TENM2: variants seen among roughly 807,000 people sequenced by gnomAD.
The protein encoded by TENM2 is teneurin transmembrane protein 2.
TENM2 carries 52 observed loss-of-function variants against 245.2 expected under a neutral mutation model. The ratio of observed to expected loss-of-function variants is 0.21; its 90% CI spans 0.17 to 0.27. TENM2 has a LOEUF of 0.27. TENM2 is among the 10% of genes least tolerant of loss of function. TENM2 has a pLI of 1.00. For missense variants in TENM2, 3,046 were observed against 3,666.8 expected (o/e 0.83, Z 4.37); for synonymous variants, 1,363 against 1,438.9 (o/e 0.95, Z 1.19).
Position 167,827,636 on chromosome 5 carries a change from G to GGT in TENM2, c.503-48349_503-48348insTG, listed in dbSNP as rs201978915. Among the ~76,000 whole-genome samples, 43 of 105,682 alleles carry GGT rather than the reference G, an allele frequency of 4.1e-4. 6 individuals carry two copies. The highest frequency in any genetic ancestry group is 6.4e-4 in the Non-Finnish European group (33 of 51,842). The allele number at this position is 105,682 out of a possible 152,430, so 69.3% of individuals were successfully genotyped here. A position where few individuals can be genotyped will look rare whatever the true frequency, so the allele number is the denominator to read the frequency against. Reference sequence around the variant, plus strand: ...GCAAGGAGCTAGGTGGGCGGGGGGGGGGGAACAGTTTAATGAGCGTGAATG... The same window carrying GGT: ...GCAAGGAGCTAGGTGGGCGGGGGGGGGTGGGAACAGTTTAATGAGCGTGAATG... On this transcript the variant is annotated intron_variant, in intron 2 of 28. Transcript: ENST00000518659.
chr5:167,376,427 G>A (rs969233116), intron 2 of TENM2, among the ~76,000 whole-genome samples: 2 of 152,240 alleles, frequency 1.3e-5, no homozygotes, highest in Non-Finnish European at 2.9e-5. Flanking sequence ...ACTTCTGCCA[G>A]AGCAGCTTTA....
chr5:167,612,681 C>T (rs1777553151), intron 2 of TENM2, among the ~76,000 whole-genome samples: 1 of 152,078 alleles, frequency 6.6e-6, no homozygotes, highest in Non-Finnish European at 1.5e-5. Flanking sequence ...AAACTGTTAT[C>T]ATACATTGAC....
At chr5:167,395,441 G>A (rs768992154) in intron 2 of TENM2, among the ~76,000 whole-genome samples, 3 of 152,232 alleles carry the variant, frequency 2.0e-5, no homozygotes, top group Non-Finnish European at 4.4e-5. Flanking sequence ...TGTGTCATCT[G>A]GAAACGGCGA....
At chr5:168,118,118 A>T (rs1188872645) in intron 9 of TENM2, among the ~76,000 whole-genome samples, 174 bp from the exon 12 acceptor site, 1 of 152,252 alleles carries the variant, frequency 6.6e-6, no homozygotes, top group Non-Finnish European at 1.5e-5. Context: ...TGCTGTTATC[A>T]GTAGCACTTG....
the TENM2 span, among the ~76,000 whole-genome samples, chr5:167,113,593 T>A: frequency 6.7e-6 from 1 of 150,280 alleles, no homozygotes; most frequent in African/African-American, 2.5e-5. Context: ...CTGTGAGCCA[T>A]GATCACACCA....
chr5:168,034,457 C>T (rs1472508628), intron 5 of TENM2, among the ~76,000 whole-genome samples: 1 of 151,764 alleles, frequency 6.6e-6, no homozygotes, highest in Non-Finnish European at 1.5e-5. Flanking sequence ...GAAGGCCAAG[C>T]GTGGTGGCTC....
At chr5:167,233,017 C>CGGG in the TENM2 span, among the ~76,000 whole-genome samples, 1 of 151,928 alleles carries the variant, frequency 6.6e-6, no homozygotes, top group African/African-American at 2.4e-5. Context: ...CTTGGACAGA[C>CGGG]AGGACATGTA....
At chr5:167,480,462 G>A (rs1190348897) in intron 2 of TENM2, among the ~76,000 whole-genome samples, 1 of 152,188 alleles carries the variant, frequency 6.6e-6, no homozygotes, top group East Asian at 1.9e-4. Context: ...TTACTAAAGA[G>A]GAAATGTGAA....
intron 2 of TENM2, among the ~76,000 whole-genome samples, chr5:167,485,543 G>T (rs1768006523): frequency 6.6e-6 from 1 of 152,118 alleles, no homozygotes; most frequent in African/African-American, 2.4e-5. Flanking sequence ...CTCTAACTGT[G>T]CCTCTGTGTC....
chr5:167,457,743 C>T (rs746311118), intron 2 of TENM2, among the ~76,000 whole-genome samples: 1 of 152,174 alleles, frequency 6.6e-6, no homozygotes, highest in Non-Finnish European at 1.5e-5. Flanking sequence ...ACTTTGAAAA[C>T]AATCTATTTT....
At chr5:167,461,275 A>G (rs1016652473) in intron 2 of TENM2, among the ~76,000 whole-genome samples, 1 of 151,842 alleles carries the variant, frequency 6.6e-6, no homozygotes, top group East Asian at 1.9e-4. Context: ...CAGGGATACA[A>G]TTGCTCTTTT....
intron 6 of TENM2, among the ~76,000 whole-genome samples, chr5:168,051,882 C>A (rs1281230335): frequency 2.0e-5 from 3 of 152,232 alleles, no homozygotes; most frequent in African/African-American, 7.2e-5. Flanking sequence ...GTTGTTGAAA[C>A]TGATGTCATC....
At chr5:167,473,750 T>C (rs114213372) in intron 2 of TENM2, among the ~76,000 whole-genome samples, 80 of 152,332 alleles carry the variant, frequency 5.3e-4, no homozygotes, top group Admixed American at 9.2e-4. Flanking sequence ...AATTGTGTGA[T>C]ATTGGACACA....
At chr5:167,753,735 T>A (rs980206973) in intron 2 of TENM2, among the ~76,000 whole-genome samples, 1 of 152,172 alleles carries the variant, frequency 6.6e-6, no homozygotes, top group Non-Finnish European at 1.5e-5. Context: ...CATGCTGACA[T>A]GTTGCCTTCA....
chr5:167,387,663 G>T (rs901551796), intron 2 of TENM2, among the ~76,000 whole-genome samples: 5 of 151,956 alleles, frequency 3.3e-5, no homozygotes, highest in African/African-American at 1.2e-4. Flanking sequence ...TTTGTCATAG[G>T]TGGCTTTTAT....
At chr5:167,862,930 A>G (rs1024971) in intron 2 of TENM2, among the ~76,000 whole-genome samples, 137,479 of 151,160 alleles carry the variant, frequency 0.91, 62,925 homozygotes, top group Non-Finnish European at 0.99. Flanking sequence ...TCTTGACACT[A>G]CTACCATTTC....
intron 9 of TENM2, among the ~76,000 whole-genome samples, chr5:168,098,436 T>A (rs950718522): frequency 5.3e-5 from 8 of 152,188 alleles, no homozygotes; most frequent in African/African-American, 1.4e-4. Context: ...ACTCCTTTCT[T>A]ATAATCATTA....
At chr5:167,736,961 C>T (rs1260032020) in intron 2 of TENM2, among the ~76,000 whole-genome samples, 1 of 152,176 alleles carries the variant, frequency 6.6e-6, no homozygotes, top group Admixed American at 6.5e-5. Context: ...TGCAGAAAAG[C>T]ACAAGTCTCC....
In TENM2 at chr5:167,807,124, TAAAAAAAAAAAAAA is replaced by T. The variant is rs1178739925; in HGVS notation, c.503-68843_503-68830del. Among the ~76,000 whole-genome samples, 332 of 49,080 alleles carry T rather than the reference TAAAAAAAAAAAAAA, an allele frequency of 6.8e-3. 8 individuals carry two copies. The highest frequency in any genetic ancestry group is 0.04 in the Middle Eastern group (2 of 50). The allele number at this position is 49,080 out of a possible 152,430, so 32.2% of individuals were successfully genotyped here. On this transcript the variant is annotated intron_variant, in intron 2 of 28. Transcript: ENST00000518659. ...ACAGTTTGGCCCAAAGCCCCTAGGT[TAAAAAAAAAAAAAA>T]AAAAAAAAAAAAAAAAAAGAAGAAG...
Sources: gnomAD v4.1 joint callset for allele counts (sites outside exome capture counted in the v4.1 genomes callset) on GRCh38, gnomAD v4.1.1 for gene constraint, MANE v1.5 for transcripts, NCBI Gene and HGNC (gene_info 2026-07-23, HGNC 2026-07-21) for gene names.